CCDC30: variants seen among roughly 807,000 people sequenced by gnomAD.
The protein encoded by CCDC30 is coiled-coil domain containing 30.
A neutral mutation model predicts 100.2 loss-of-function variants in CCDC30; 70 were observed. That is an observed-to-expected ratio of 0.70 (90% CI 0.58 to 0.85). CCDC30 has a LOEUF of 0.85. CCDC30 is among the 40% of genes least tolerant of loss of function. The pLI, the probability that CCDC30 is intolerant of heterozygous loss-of-function variation, is 0.00. For synonymous variants in CCDC30, 233 were observed against 269.5 expected, an observed-to-expected ratio of 0.86 and a Z score of 1.33; for missense variants, 652 against 771.2, an observed-to-expected ratio of 0.85 and a Z score of 1.83.
At chr1:42,512,113 C>T (rs571730242) in intron 6 of CCDC30, among the ~76,000 whole-genome samples, 3 of 152,330 alleles carry the variant, frequency 2.0e-5, no homozygotes, top group African/African-American at 4.8e-5. Flanking sequence ...GCAGCATGAA[C>T]ATGTCCTCAA....
At chr1:42,531,784 C>T (rs1299372914) in intron 6 of CCDC30, among the ~76,000 whole-genome samples, 4 of 152,084 alleles carry the variant, frequency 2.6e-5, no homozygotes, top group Non-Finnish European at 5.9e-5. Context: ...TCTGTTGGTT[C>T]TGTTTCTCCA....
intron 6 of CCDC30, 120 bp downstream of exon 10, chr1:42,556,525 A>T: frequency 9.2e-7 from 1 of 1,086,422 alleles, no homozygotes; most frequent in Non-Finnish European, 1.3e-6. Context: ...TTAGGTACAT[A>T]GTAGATGTGT....
chr1:42,526,346 C>A (rs1644724326), intron 6 of CCDC30, among the ~76,000 whole-genome samples: 1 of 151,816 alleles, frequency 6.6e-6, no homozygotes, highest in Admixed American at 6.6e-5. Context: ...CCCTTTTTTT[C>A]TTTTTCCATG....
At chr1:42,580,412 G>C (rs1282713426) in intron 8 of CCDC30, among the ~76,000 whole-genome samples, 2 of 152,194 alleles carry the variant, frequency 1.3e-5, no homozygotes, top group Non-Finnish European at 2.9e-5. Context: ...CTGAATATTT[G>C]TGGGGAATGT....
chr1:42,502,923 T>C (rs1190724598), intron 6 of CCDC30, among the ~76,000 whole-genome samples: 7 of 152,106 alleles, frequency 4.6e-5, no homozygotes, highest in African/African-American at 1.7e-4. Flanking sequence ...TGAGACAGGG[T>C]CTCACTCTGT....
chr1:42,512,933 G>C (rs1299211671), intron 6 of CCDC30, among the ~76,000 whole-genome samples: 1 of 152,168 alleles, frequency 6.6e-6, no homozygotes. Flanking sequence ...GTTTTTAAAT[G>C]GTTGATGGGA....
chr1:42,500,118 A>C, intron 6 of CCDC30: 1 of 1,226,476 alleles, frequency 8.2e-7, no homozygotes, highest in Non-Finnish European at 1.2e-6. Flanking sequence ...ACCTCTTTGC[A>C]TCTTACAAAG....
intron 4 of CCDC30, among the ~76,000 whole-genome samples, chr1:42,491,026 A>C (rs1275261025): frequency 6.6e-6 from 1 of 152,264 alleles, no homozygotes; most frequent in Non-Finnish European, 1.5e-5. Flanking sequence ...AAATTTGACT[A>C]TTTTAACGGT....
chr1:42,509,095 G>T (rs958916072), intron 6 of CCDC30, among the ~76,000 whole-genome samples: 2 of 152,146 alleles, frequency 1.3e-5, no homozygotes, highest in African/African-American at 4.8e-5. Context: ...TCAAAGGGGT[G>T]GTAAGCAGCT....
chr1:42,654,106 A>C, exon 17 of CCDC30: 1 of 986,554 alleles, frequency 1.0e-6, no homozygotes, highest in Non-Finnish European at 1.6e-6. Context: ...TGACATTGAG[A>C]AGAGTTACCA....
At chr1:42,588,663 G>T (rs1009013118) in intron 9 of CCDC30, among the ~76,000 whole-genome samples, 1 of 152,176 alleles carries the variant, frequency 6.6e-6, no homozygotes, top group African/African-American at 2.4e-5. Flanking sequence ...CTTTTCTGAA[G>T]ATCCATAAAT....
intron 1 of CCDC30, among the ~76,000 whole-genome samples, chr1:42,477,796 G>C (rs1643900418): frequency 6.6e-6 from 1 of 151,556 alleles, no homozygotes; most frequent in East Asian, 1.9e-4. Context: ...GAAAATTCAG[G>C]GGAGGTGATG....
At chr1:42,626,022 T>C (rs911538712) in intron 11 of CCDC30, among the ~76,000 whole-genome samples, 2 of 152,212 alleles carry the variant, frequency 1.3e-5, no homozygotes, top group African/African-American at 4.8e-5. Context: ...CCTTTATATA[T>C]CTGGGTGCTC....
intron 11 of CCDC30, among the ~76,000 whole-genome samples, chr1:42,629,719 C>T (rs1646999316): frequency 2.0e-5 from 3 of 151,688 alleles, no homozygotes; most frequent in Admixed American, 2.0e-4. Context: ...GCAACCTCTG[C>T]CTCCCGGGTT....
At chr1:42,551,910 A>G (rs935188280) in intron 6 of CCDC30, among the ~76,000 whole-genome samples, 3 of 151,872 alleles carry the variant, frequency 2.0e-5, no homozygotes, top group African/African-American at 4.8e-5. Flanking sequence ...ACATAGGTAC[A>G]TGCCACCACA....
chr1:42,633,741 G>A lies in CCDC30; in HGVS notation c.1278-3496G>A, dbSNP rs531851494. 9.9e-5 allele frequency among the ~76,000 whole-genome samples: 15 copies of A among 152,098 alleles called. No homozygotes were observed. The South Asian group carries it at 1.9e-3, about 19-fold the overall frequency. The stretch of plus-strand genomic sequence containing the variant: ...CCTGGGCAACATAGCGAGACCTTGC[G>A]TCTACTAAAAATTGTTTTAAAAGTT... On this transcript the variant is annotated intron_variant, in intron 11 of 16. Coordinates refer to ENST00000668663, the Ensembl canonical transcript of CCDC30.
chr1:42,511,189 C>T (rs770594256), intron 6 of CCDC30, among the ~76,000 whole-genome samples: 8 of 152,004 alleles, frequency 5.3e-5, no homozygotes, highest in Non-Finnish European at 1.2e-4. Flanking sequence ...CTCATGGTTG[C>T]GGGCATGACC....
At position 42,584,623 on chromosome 1, in the gene CCDC30, G is replaced by A. The variant is rs953857466; in HGVS notation, c.1001+3109G>A. Among the ~76,000 whole-genome samples the A allele has an allele frequency of 5.3e-5, 8 of 152,124 alleles. No homozygotes were observed. In the South Asian group the frequency reaches 1.2e-3, roughly 24 times the overall value. ...TCCATCTCAAAAAAAAGAAAGTTTC[G>A]CTGTTATTATAATATTGGATGTTAT... is the stretch of plus-strand genomic sequence containing the variant. On this transcript the variant is annotated intron_variant, in intron 9 of 16. Transcript: ENST00000668663.
At chr1:42,599,396 TAGAA>T (rs1646356673) in intron 10 of CCDC30, among the ~76,000 whole-genome samples, 2 of 152,010 alleles carry the variant, frequency 1.3e-5, no homozygotes, top group South Asian at 2.1e-4. Flanking sequence ...CTAGAAAAAA[TAGAA>T]AGAAGTACAA....
Sources: allele counts gnomAD v4.1 joint callset (sites outside exome capture counted in the v4.1 genomes callset), GRCh38; gene constraint gnomAD v4.1.1; transcripts MANE v1.5; gene names NCBI Gene and HGNC (gene_info 2026-07-23, HGNC 2026-07-21).